RPH3A: variants seen among roughly 807,000 people sequenced by gnomAD.
RPH3A encodes the protein rabphilin-3A.
A neutral mutation model predicts 102.2 loss-of-function variants in RPH3A; 48 were observed. The observed-to-expected ratio is 0.47, with a 90% CI of 0.37 to 0.60. RPH3A has a LOEUF of 0.60. RPH3A is among the 20% of genes least tolerant of loss of function. RPH3A has a pLI of 0.00. For missense variants in RPH3A, 781 were observed against 910.1 expected (o/e 0.86, Z 1.83); for synonymous variants, 310 against 324.3 (o/e 0.96, Z 0.47).
At chr12:112,780,334 A>G (rs1335957097) in intron 1 of RPH3A, among the ~76,000 whole-genome samples, 1 of 151,966 alleles carries the variant, frequency 6.6e-6, no homozygotes, top group Non-Finnish European at 1.5e-5. Flanking sequence ...TAATTTTTCA[A>G]TCCTCGCCCC....
chr12:112,667,662 A>AAGAGAGAGAGAG (rs71086114), intron 1 of RPH3A, among the ~76,000 whole-genome samples: 2 of 72,774 alleles, frequency 2.7e-5, no homozygotes, highest in Non-Finnish European at 5.8e-5. Context: ...GAGATGAATA[A>AAGAGAGAGAGAG]AGAGAGAGAG....
At chr12:112,580,394 C>CTTTTTTTTTTTTTTTTTTT (rs773931202) in intron 1 of RPH3A, among the ~76,000 whole-genome samples, 1 of 76,944 alleles carries the variant, frequency 1.3e-5, no homozygotes, top group Non-Finnish European at 2.4e-5. Context: ...TTTGTCTTGT[C>CTTTTTTTTTTTTTTTTTTT]TTTTTTTTTT....
At chr12:112,663,992 T>C (rs1042955905) in intron 1 of RPH3A, among the ~76,000 whole-genome samples, 3 of 152,130 alleles carry the variant, frequency 2.0e-5, no homozygotes, top group Non-Finnish European at 4.4e-5. Context: ...AAAGGCCTAC[T>C]CCATGGTTGG....
chr12:112,791,867 G>GGAGAGAGAGCGA lies in RPH3A; in HGVS notation c.-276_-275insCGAGAGAGAGAG, dbSNP rs1555209153. On this transcript the variant is annotated 5_prime_UTR_variant, in exon 1 of 22. Transcript: ENST00000389385. ...CGCGGACTGGAAAGGAAGGGAGAAG[G>GGAGAGAGAGCGA]GAGAGAGAGAGAGAGAGAGAGAGAG... 1 of 48,484 alleles carries GGAGAGAGAGCGA rather than the reference G, an allele frequency of 2.1e-5. No individual in the cohort carries two copies. The highest frequency in any genetic ancestry group is 9.6e-5 in the African/African-American group (1 of 10,408). 3.0% of individuals were successfully genotyped at this position (48,484 alleles called of 1,614,324 possible). A position where few individuals can be genotyped will look rare whatever the true frequency, so the allele number is the denominator to read the frequency against.
intron 1 of RPH3A, among the ~76,000 whole-genome samples, chr12:112,713,046 CTTCTCCTTCTTCTTCTTCTT>C (rs1565857445): frequency 1.4e-5 from 1 of 73,922 alleles, no homozygotes; most frequent in Non-Finnish European, 2.5e-5. Context: ...TCTTCTTCTT[CTTCTCCTTCTTCTTCTTCTT>C]CTTCTTCTTC....
intron 1 of RPH3A, among the ~76,000 whole-genome samples, chr12:112,654,994 C>T (rs554980857): frequency 1.3e-5 from 2 of 152,354 alleles, no homozygotes; most frequent in East Asian, 3.9e-4. Flanking sequence ...TCCATGACTT[C>T]TTATTCATGT....
At chr12:112,637,490 G>A (rs10492017) in intron 1 of RPH3A, among the ~76,000 whole-genome samples, 24,234 of 152,050 alleles carry the variant, frequency 0.16, 2,459 homozygotes, top group Admixed American at 0.24. Context: ...GTATTAGAAG[G>A]GAGAAATACG....
At chr12:112,638,041 C>T (rs1160072953) in intron 1 of RPH3A, among the ~76,000 whole-genome samples, 5 of 152,014 alleles carry the variant, frequency 3.3e-5, no homozygotes, top group Non-Finnish European at 2.9e-5. Flanking sequence ...GTGTTTGGGT[C>T]ACGGGTCTGG....
At chr12:112,659,120 C>A (rs1260795688) in intron 1 of RPH3A, among the ~76,000 whole-genome samples, 2 of 152,162 alleles carry the variant, frequency 1.3e-5, no homozygotes, top group Non-Finnish European at 2.9e-5. Flanking sequence ...CCTCCTACTG[C>A]CCCATCACCT....
At position 112,881,757 on chromosome 12, in the gene RPH3A, C is replaced by T. The variant is rs2042917803; in HGVS notation, c.1252-15C>T. On this transcript the variant is annotated splice_polypyrimidine_tract_variant and intron_variant, in intron 14 of 21. Transcript: ENST00000389385. ...CCTCCTGAGGCCCTCACACCATTGC[C>T]TCCTTCTCTTGCAGGGCCTGAAGCC... The T allele has an allele frequency of 3.1e-6, 5 of 1,603,446 alleles. No homozygotes were observed. The highest frequency in any genetic ancestry group is 2.2e-5 in the East Asian group (1 of 44,624).
Position 112,625,571 on chromosome 12 carries a change from TG to T in RPH3A, c.-140+50254del, listed in dbSNP as rs1489490772. Among the ~76,000 whole-genome samples the T allele has an allele frequency of 5.0e-5, 5 of 100,554 alleles. No individual in the cohort carries two copies. In the Admixed American group the frequency reaches 5.5e-4, roughly 11 times the overall value. The allele number at this position is 100,554 out of a possible 152,430, so 66.0% of individuals were successfully genotyped here. ...GGAAATAAAAGAGGATACAAACAAA[TG>T]GAAGAACATTCCATGCTCATGGGTA... On this transcript the variant is annotated intron_variant, in intron 1 of 21. Coordinates refer to the RPH3A transcript ENST00000543106.
chr12:112,719,742 G>A (rs752970559), intron 1 of RPH3A, among the ~76,000 whole-genome samples: 6 of 152,280 alleles, frequency 3.9e-5, no homozygotes, highest in Non-Finnish European at 7.3e-5. Context: ...GGGGTAAGAG[G>A]TTATAACAGA....
chr12:112,644,275 G>A (rs2039911235), intron 1 of RPH3A, among the ~76,000 whole-genome samples: 2 of 152,210 alleles, frequency 1.3e-5, no homozygotes, highest in Non-Finnish European at 2.9e-5. Flanking sequence ...AACTGCATGT[G>A]TACCTTCTAA....
intron 1 of RPH3A, among the ~76,000 whole-genome samples, chr12:112,727,211 G>A (rs976934497): frequency 1.3e-5 from 2 of 150,696 alleles, no homozygotes; most frequent in Non-Finnish European, 3.0e-5. Flanking sequence ...GAGACATATC[G>A]AAGAGGTGTT....
chr12:112,672,631 C>T (rs2040141962), intron 1 of RPH3A, among the ~76,000 whole-genome samples: 2 of 152,214 alleles, frequency 1.3e-5, no homozygotes, highest in Non-Finnish European at 2.9e-5. Flanking sequence ...ACGCTGAAGG[C>T]TGTCCTCCCT....
intron 5 of RPH3A, among the ~76,000 whole-genome samples, chr12:112,848,541 A>T (rs896116502): frequency 6.6e-6 from 1 of 152,148 alleles, no homozygotes; most frequent in African/African-American, 2.4e-5. Flanking sequence ...GAATGGGGGA[A>T]ATAACAGTAA....
intron 5 of RPH3A, among the ~76,000 whole-genome samples, chr12:112,853,826 G>GA (rs539988681): frequency 8.9e-4 from 123 of 137,892 alleles, no homozygotes; most frequent in Middle Eastern, 3.8e-3. Context: ...AGACTGTCTA[G>GA]AAAAAAAAAA....
chr12:112,659,406 C>T (rs1375604491), intron 1 of RPH3A, among the ~76,000 whole-genome samples: 2 of 152,142 alleles, frequency 1.3e-5, no homozygotes. Flanking sequence ...TGTTGAATGT[C>T]CCTCAGATTT....
chr12:112,815,963 T>G (rs2041664359), intron 2 of RPH3A, among the ~76,000 whole-genome samples: 1 of 152,072 alleles, frequency 6.6e-6, no homozygotes, highest in East Asian at 1.9e-4. Flanking sequence ...CTGAAGAGTG[T>G]TCTGTTGAAC....
Sources: gnomAD v4.1 joint callset for allele counts (sites outside exome capture counted in the v4.1 genomes callset) on GRCh38, gnomAD v4.1.1 for gene constraint, MANE v1.5 for transcripts, NCBI Gene and HGNC (gene_info 2026-07-23, HGNC 2026-07-21) for gene names.